Variants in SDK2 observed in about 807,000 individuals in gnomAD.
SDK2 encodes the protein protein sidekick-2.
SDK2 carries 105 observed loss-of-function variants against 253.9 expected under a neutral mutation model. That is an observed-to-expected ratio of 0.41 (90% CI 0.35 to 0.49). SDK2 has a LOEUF of 0.49. Among genes scored for constraint, SDK2 ranks in the 20% least tolerant of loss-of-function variants. SDK2 has a pLI of 0.06. For missense variants in SDK2, 2,608 were observed against 3,003.0 expected, an observed-to-expected ratio of 0.87 and a Z score of 3.07; for synonymous variants, 1,249 against 1,234.9, an observed-to-expected ratio of 1.01 and a Z score of -0.24.
chr17:73,358,515 G>C (rs1455795374), intron 39 of SDK2, among the ~76,000 whole-genome samples: 1 of 152,160 alleles, frequency 6.6e-6, no homozygotes, highest in Non-Finnish European at 1.5e-5. Context: ...TGTTAGATGG[G>C]TGATTTTGAT....
chr17:73,616,480 C>G lies in SDK2; in HGVS notation c.64+27545G>C, dbSNP rs780654985. Among the ~76,000 whole-genome samples the G allele has an allele frequency of 1.3e-5, 2 of 152,168 alleles. No individual in the cohort carries two copies. The highest frequency in any genetic ancestry group is 2.9e-5 in the Non-Finnish European group (2 of 68,036). On this transcript the variant is annotated intron_variant, in intron 1 of 44. Coordinates refer to ENST00000392650, the MANE Select transcript of SDK2 (RefSeq NM_001144952.2). The surrounding 1 kb of genome is among the most constrained non-coding windows in gnomAD (Gnocchi z 5.2). ...AAGGACCACTGTCGCAATGCTTAGG[C>G]CTGAGCACGCATTTGTCTTTGTTTG...
chr17:73,585,953 G>A (rs2045597702), intron 1 of SDK2, among the ~76,000 whole-genome samples: 1 of 152,140 alleles, frequency 6.6e-6, no homozygotes, highest in Non-Finnish European at 1.5e-5. Flanking sequence ...GTGTGTCCTA[G>A]GAAATATATA....
chr17:73,492,943 G>T (rs1026690812), intron 2 of SDK2, among the ~76,000 whole-genome samples: 1 of 152,190 alleles, frequency 6.6e-6, no homozygotes, highest in Non-Finnish European at 1.5e-5. Flanking sequence ...GATCTAATTA[G>T]TTTCTGTGTC....
At chr17:73,575,496 T>G (rs2045445970) in intron 1 of SDK2, among the ~76,000 whole-genome samples, 1 of 152,146 alleles carries the variant, frequency 6.6e-6, no homozygotes, top group Admixed American at 6.5e-5. Flanking sequence ...TGAGGTAGAC[T>G]CATTTGGGGC....
At chr17:73,624,250 T>C (rs2046172806) in intron 1 of SDK2, among the ~76,000 whole-genome samples, 1 of 152,234 alleles carries the variant, frequency 6.6e-6, no homozygotes, top group Non-Finnish European at 1.5e-5. Flanking sequence ...CCCTAGCACT[T>C]TGGGAGGCCA....
chr17:73,527,934 G>A (rs1376393584), intron 1 of SDK2, among the ~76,000 whole-genome samples: 5 of 152,118 alleles, frequency 3.3e-5, no homozygotes, highest in Non-Finnish European at 7.4e-5. Context: ...AATGGGGATT[G>A]TGGAGCTGTT....
rs1160709834 is a variant in SDK2 at position 73,644,034 on chromosome 17, T to C, written c.55A>G (p.Arg19Gly). 1.3e-6 allele frequency: 2 copies of C among 1,487,816 alleles called. No individual in the cohort carries two copies. The highest frequency in any genetic ancestry group is 4.1e-5 in the Admixed American group (2 of 48,728). The allele number at this position is 1,487,816 out of a possible 1,614,324, so 92.2% of individuals were successfully genotyped here. ...LLALHQIRAA[R>G]AQDDVSPYFK... ...GGGGGTCCCTCCTTACCTTGGGCTC[T>C]GGCCGCGCGGATCTGATGCAGAGCT... The change falls in exon 1 of 45, where the codon AGA (arginine) becomes GGA (glycine). Residue 19 changes from arginine (R) to glycine (G), a missense_variant. By Grantham distance (125) the Arg-to-Gly change is moderately radical (BLOSUM62 -2). Coordinates refer to ENST00000392650, the MANE Select transcript of SDK2 (RefSeq NM_001144952.2). The surrounding 1 kb of genome is among the most constrained non-coding windows in gnomAD (Gnocchi z 6.3).
rs556124040 is a variant in SDK2 at position 73,534,072 on chromosome 17, G to A, written c.65-26475C>T. On this transcript the variant is annotated intron_variant, in intron 1 of 44. Transcript: ENST00000392650. The surrounding 1 kb of genome is among the most constrained non-coding windows in gnomAD (Gnocchi z 4.9). ...CTCCTCCTCCTCCTCCTCCTTCCCC[G>A]CCTCCTCCCCTCCTCTTCCTCCTCC... 7.3e-5 allele frequency among the ~76,000 whole-genome samples: 11 copies of A among 151,612 alleles called. No homozygotes were observed. Among genetic ancestry groups the A allele is most frequent in the South Asian group, 4.2e-4 (2 of 4,770 alleles).
At chr17:73,517,021 A>G (rs1337726838) in intron 1 of SDK2, 1 of 152,218 alleles carries the variant, frequency 6.6e-6, no homozygotes, top group Non-Finnish European at 1.5e-5. Context: ...AGCTCAGCCC[A>G]TGGTACGTCC....
intron 1 of SDK2, among the ~76,000 whole-genome samples, chr17:73,523,284 C>G (rs34805413): frequency 0.053 from 7,994 of 151,858 alleles, 249 homozygotes; most frequent in Middle Eastern, 0.12. Context: ...CGAGAGAGAC[C>G]AAGCTTCCCC....
intron 1 of SDK2, among the ~76,000 whole-genome samples, chr17:73,594,192 C>T (rs1309354162): frequency 1.3e-5 from 2 of 152,146 alleles, no homozygotes; most frequent in African/African-American, 2.4e-5. Context: ...TGTTGGACAG[C>T]GGGAAGGCGG....
chr17:73,545,093 G>GTGCA (rs2044936279), intron 1 of SDK2, among the ~76,000 whole-genome samples: 1 of 82,298 alleles, frequency 1.2e-5, no homozygotes, highest in African/African-American at 7.7e-5. Flanking sequence ...TTGCGTGCAC[G>GTGCA]TGCACGCACA....
At chr17:73,603,702 T>C (rs907873298) in intron 1 of SDK2, among the ~76,000 whole-genome samples, 2 of 152,244 alleles carry the variant, frequency 1.3e-5, no homozygotes, top group African/African-American at 4.8e-5. Context: ...AGAAGACATA[T>C]TAGCCTTGCT....
At chr17:73,391,803 C>T (rs1392067818) in intron 27 of SDK2, among the ~76,000 whole-genome samples, 1 of 152,252 alleles carries the variant, frequency 6.6e-6, no homozygotes, top group East Asian at 1.9e-4. Flanking sequence ...TGTCTGTATA[C>T]ACGCCCCAGA....
intron 1 of SDK2, among the ~76,000 whole-genome samples, chr17:73,528,122 C>T (rs954061872): frequency 6.6e-5 from 10 of 152,192 alleles, no homozygotes; most frequent in East Asian, 3.9e-4. Context: ...CCAGGTGGAA[C>T]GTTCAGGTGC....
chr17:73,393,461 T>TG (rs1258964158), intron 27 of SDK2, 99 bp downstream of exon 27: 2 of 1,150,308 alleles, frequency 1.7e-6, no homozygotes, highest in Non-Finnish European at 2.3e-6. Flanking sequence ...CATGGCTCCC[T>TG]GTGGGGCAGA....
intron 1 of SDK2, among the ~76,000 whole-genome samples, chr17:73,633,518 T>G (rs373332657): frequency 2.0e-5 from 3 of 152,164 alleles, no homozygotes; most frequent in South Asian, 2.1e-4. Context: ...AAGGACCCAA[T>G]GAGACTCTTC....
At chr17:73,347,968 G>A (rs909756285) in intron 44 of SDK2, among the ~76,000 whole-genome samples, 15 of 152,104 alleles carry the variant, frequency 9.9e-5, no homozygotes, top group African/African-American at 3.1e-4. Context: ...CCACAGCCTC[G>A]GACAGAGCCT....
intron 36 of SDK2, chr17:73,369,216 G>A (rs550774932): frequency 8.5e-6 from 4 of 468,478 alleles, no homozygotes; most frequent in East Asian, 7.0e-5. Context: ...AAGCAAATCC[G>A]TCCTACGGGA....
Sources: allele counts gnomAD v4.1 joint callset (sites outside exome capture counted in the v4.1 genomes callset), GRCh38; gene constraint gnomAD v4.1.1; non-coding constraint Gnocchi (gnomAD v3.1); transcripts MANE v1.5; gene names NCBI Gene and HGNC (gene_info 2026-07-23, HGNC 2026-07-21).